SPAG16: variants seen among roughly 807,000 people sequenced by gnomAD.
SPAG16 encodes the protein sperm-associated antigen 16 protein.
Under a neutral mutation model 80.4 loss-of-function variants are expected in SPAG16, and 86 were observed. That is an observed-to-expected ratio of 1.07 (90% confidence interval 0.90 to 1.28). SPAG16 has a LOEUF of 1.28. Among genes scored for constraint, SPAG16 ranks in the 50% most tolerant of loss-of-function variants. The pLI is 0.00. For missense variants in SPAG16, 870 were observed against 765.3 expected, an observed-to-expected ratio of 1.14 and a Z score of -1.61; for synonymous variants, 294 against 265.9, an observed-to-expected ratio of 1.11 and a Z score of -1.03.
At chr2:213,899,214 G>GGGTGA (rs569965232) in intron 11 of SPAG16, among the ~76,000 whole-genome samples, 6 of 151,930 alleles carry the variant, frequency 3.9e-5, no homozygotes, top group Non-Finnish European at 8.8e-5. Context: ...AATAATATTT[G>GGGTGA]GGTGATAAAG....
At chr2:213,450,995 G>A (rs1490790952) in intron 9 of SPAG16, among the ~76,000 whole-genome samples, 3 of 152,054 alleles carry the variant, frequency 2.0e-5, no homozygotes, top group Non-Finnish European at 4.4e-5. Flanking sequence ...ATAATTATGT[G>A]TATAATTATT....
At chr2:213,919,816 T>C (rs1235589580) in intron 11 of SPAG16, among the ~76,000 whole-genome samples, 1 of 152,184 alleles carries the variant, frequency 6.6e-6, no homozygotes, top group Non-Finnish European at 1.5e-5. Context: ...GTCCTTTTGA[T>C]CCAGTGCTCA....
chr2:214,037,688 C>T (rs2048771194), intron 13 of SPAG16, among the ~76,000 whole-genome samples: 1 of 152,058 alleles, frequency 6.6e-6, no homozygotes, highest in East Asian at 1.9e-4. Context: ...ATAAAAGTGT[C>T]TACTATGTTA....
At chr2:213,938,215 A>G (rs2079064443) in intron 12 of SPAG16, among the ~76,000 whole-genome samples, 1 of 151,966 alleles carries the variant, frequency 6.6e-6, no homozygotes, top group Non-Finnish European at 1.5e-5. Flanking sequence ...ACTCTGCACA[A>G]AATAATCTGG....
chr2:214,400,401 A>G (rs1346122072), intron 15 of SPAG16, among the ~76,000 whole-genome samples: 1 of 152,076 alleles, frequency 6.6e-6, no homozygotes, highest in East Asian at 1.9e-4. Context: ...AAGTATAACA[A>G]AAATAATATA....
chr2:214,358,190 C>T (rs73989456), intron 15 of SPAG16, among the ~76,000 whole-genome samples: 10,639 of 151,708 alleles, frequency 0.07, 1,193 homozygotes, highest in African/African-American at 0.24. Flanking sequence ...GTGTCTTATG[C>T]GATGCTCTTG....
At chr2:213,945,783 G>A (rs926699047) in intron 12 of SPAG16, among the ~76,000 whole-genome samples, 9 of 151,944 alleles carry the variant, frequency 5.9e-5, no homozygotes, top group Admixed American at 1.3e-4. Context: ...TAGATCTGAC[G>A]GCAACTTAAT....
At chr2:213,384,805 A>C (rs1255420101) in intron 9 of SPAG16, among the ~76,000 whole-genome samples, 1 of 152,168 alleles carries the variant, frequency 6.6e-6, no homozygotes, top group Non-Finnish European at 1.5e-5. Flanking sequence ...TACAGATTGA[A>C]CATTACCACT....
chr2:213,919,721 G>T (rs1313676550), intron 11 of SPAG16, among the ~76,000 whole-genome samples: 1 of 152,164 alleles, frequency 6.6e-6, no homozygotes, highest in Non-Finnish European at 1.5e-5. Context: ...TTATGTGGTA[G>T]AGTTTAGAGT....
chr2:213,965,093 T>G (rs7559339), intron 12 of SPAG16, among the ~76,000 whole-genome samples: 47,755 of 152,084 alleles, frequency 0.31, 7,747 homozygotes, highest in African/African-American at 0.39. Flanking sequence ...CTTGTTTGTT[T>G]ATTTGTTTAG....
chr2:214,234,905 A>G (rs1454070599), intron 15 of SPAG16, among the ~76,000 whole-genome samples: 1 of 152,136 alleles, frequency 6.6e-6, no homozygotes, highest in African/African-American at 2.4e-5. Context: ...TTATTTCTTA[A>G]TTCCCTTTTA....
At chr2:213,399,657 A>G (rs2068217603) in intron 9 of SPAG16, among the ~76,000 whole-genome samples, 1 of 151,956 alleles carries the variant, frequency 6.6e-6, no homozygotes, top group Non-Finnish European at 1.5e-5. Context: ...TAATTTTAGT[A>G]TCATTGAATA....
chr2:213,544,185 T>TGGAA (rs1197667047), intron 10 of SPAG16, among the ~76,000 whole-genome samples: 1 of 152,012 alleles, frequency 6.6e-6, no homozygotes, highest in Non-Finnish European at 1.5e-5. Flanking sequence ...AATAACTTCT[T>TGGAA]TGACTTTATC....
intron 11 of SPAG16, among the ~76,000 whole-genome samples, chr2:213,904,472 C>G (rs1005719212): frequency 7.9e-5 from 12 of 151,820 alleles, no homozygotes; most frequent in African/African-American, 2.9e-4. Flanking sequence ...GGAAACCATC[C>G]CCATGATGCA....
chr2:214,326,720 C>A (rs914901360), intron 15 of SPAG16, among the ~76,000 whole-genome samples: 2 of 151,832 alleles, frequency 1.3e-5, no homozygotes, highest in Non-Finnish European at 2.9e-5. Context: ...CCGAGGCAGG[C>A]GGATCACGAG....
chr2:213,948,547 A>G (rs1434841221), intron 12 of SPAG16, among the ~76,000 whole-genome samples: 2 of 152,112 alleles, frequency 1.3e-5, no homozygotes, highest in Non-Finnish European at 2.9e-5. Flanking sequence ...GTTTAGGAAT[A>G]TGCATTATCT....
intron 10 of SPAG16, among the ~76,000 whole-genome samples, chr2:213,695,686 G>A (rs933675685): frequency 4.6e-5 from 7 of 152,212 alleles, no homozygotes; most frequent in Admixed American, 4.6e-4. Flanking sequence ...GAAGGAGCCA[G>A]CCATGAGAAG....
chr2:214,129,966 A>G (rs554773465), intron 14 of SPAG16, among the ~76,000 whole-genome samples: 96 of 152,286 alleles, frequency 6.3e-4, no homozygotes, highest in Non-Finnish European at 1.2e-3. Flanking sequence ...AGAGGAGAAA[A>G]GAAGAGCTTT....
intron 14 of SPAG16, among the ~76,000 whole-genome samples, chr2:214,133,644 G>C (rs182445207): frequency 4.1e-4 from 62 of 152,202 alleles, no homozygotes; most frequent in Non-Finnish European, 8.2e-4. Flanking sequence ...GTTACAGAGC[G>C]AGACTCCATC....
Sources: allele counts gnomAD v4.1 joint callset (sites outside exome capture counted in the v4.1 genomes callset), GRCh38; gene constraint gnomAD v4.1.1; transcripts MANE v1.5; gene names NCBI Gene and HGNC (gene_info 2026-07-23, HGNC 2026-07-21).